SPON1: variants seen among roughly 807,000 people sequenced by gnomAD.
The protein encoded by SPON1 is spondin 1.
SPON1 carries 52 observed loss-of-function variants against 111.7 expected under a neutral mutation model. The ratio of observed to expected loss-of-function variants is 0.47; its 90% CI spans 0.37 to 0.59. The LOEUF (loss-of-function observed/expected upper bound fraction) is 0.59. Ranked by LOEUF, SPON1 falls within the 20% of genes least tolerant of loss-of-function variation. The probability of loss-of-function intolerance (pLI) is 0.00; values close to 1 mark genes in which losing one functional copy is unlikely to be tolerated. For synonymous variants in SPON1, 410 were observed against 395.8 expected (o/e 1.04, Z -0.43); for missense variants, 957 against 1,068.5 (o/e 0.90, Z 1.46).
chr11:14,259,466 GGGCGGGCA>G lies in SPON1; in HGVS notation c.1663+25_1663+32del, dbSNP rs781951807. The stretch of plus-strand genomic sequence containing the variant: ...GAGGAGTGCTGTGAGTGGGGGCCCC[GGGCGGGCA>G]GGCGGGCAAGTAGGTCGGGGAGGCA... On this transcript the variant is annotated intron_variant, in intron 12 of 15. Transcript: ENST00000576479. This position sits in a 1 kb window ranked among gnomAD's most constrained non-coding sequence, Gnocchi z 5.0. The G allele has an allele frequency of 1.9e-6, 3 of 1,599,594 alleles. No homozygotes were observed. The South Asian group carries it at 3.4e-5, about 18-fold the overall frequency.
intron 2 of SPON1, among the ~76,000 whole-genome samples, chr11:13,996,201 A>G (rs1028155781): frequency 3.9e-5 from 6 of 152,234 alleles, no homozygotes; most frequent in African/African-American, 1.2e-4. Flanking sequence ...CCAGGGGATA[A>G]ATGACATTCT....
At chr11:14,181,460 C>T (rs1460898917) in intron 6 of SPON1, among the ~76,000 whole-genome samples, 1 of 152,164 alleles carries the variant, frequency 6.6e-6, no homozygotes, top group Non-Finnish European at 1.5e-5. Flanking sequence ...GACTTTCTCT[C>T]CTACAAAAGT....
intron 2 of SPON1, among the ~76,000 whole-genome samples, chr11:14,022,420 G>A (rs934646087): frequency 6.6e-6 from 1 of 152,166 alleles, no homozygotes; most frequent in Non-Finnish European, 1.5e-5. Context: ...TTTACTCTGA[G>A]GTTGTTTTGC....
At chr11:14,033,610 G>A (rs1356475840) in intron 2 of SPON1, among the ~76,000 whole-genome samples, 2 of 152,178 alleles carry the variant, frequency 1.3e-5, no homozygotes, top group Non-Finnish European at 2.9e-5. Context: ...TCATGATGTA[G>A]GTTTCAAAAT....
At chr11:14,048,808 A>C (rs559721548) in intron 3 of SPON1, among the ~76,000 whole-genome samples, 2 of 152,318 alleles carry the variant, frequency 1.3e-5, no homozygotes, top group Non-Finnish European at 2.9e-5. Flanking sequence ...GTTTTATCTC[A>C]TGAAGTGATC....
intron 1 of SPON1, among the ~76,000 whole-genome samples, chr11:13,963,359 G>A (rs1327891353): frequency 6.6e-5 from 10 of 152,212 alleles, no homozygotes; most frequent in South Asian, 4.1e-4. Flanking sequence ...GCCGCAGCCA[G>A]GAGAGGCACC....
intron 5 of SPON1, among the ~76,000 whole-genome samples, chr11:14,122,524 A>G (rs1374911362): frequency 2.0e-5 from 3 of 152,132 alleles, no homozygotes; most frequent in Middle Eastern, 3.2e-3. Flanking sequence ...TCCTTCTGGA[A>G]CTCCAATTAC....
intron 2 of SPON1, among the ~76,000 whole-genome samples, chr11:14,028,659 G>A (rs782064303): frequency 1.2e-4 from 18 of 152,112 alleles, no homozygotes; most frequent in Non-Finnish European, 2.4e-4. Context: ...TTCTCTGATT[G>A]TCACTTCAAT....
At chr11:14,235,365 G>A (rs1227363868) in intron 6 of SPON1, among the ~76,000 whole-genome samples, 1 of 152,122 alleles carries the variant, frequency 6.6e-6, no homozygotes, top group Non-Finnish European at 1.5e-5. Context: ...TTCCATTCTA[G>A]CAGGGGGAGA....
intron 6 of SPON1, among the ~76,000 whole-genome samples, chr11:14,235,151 G>A (rs569822711): frequency 6.6e-5 from 10 of 152,294 alleles, no homozygotes; most frequent in South Asian, 2.1e-4. Context: ...CACCCAGGTC[G>A]ATGAGTGTCA....
chr11:14,090,008 G>A (rs1404792747), intron 5 of SPON1, among the ~76,000 whole-genome samples: 1 of 152,032 alleles, frequency 6.6e-6, no homozygotes, highest in African/African-American at 2.4e-5. Context: ...CACCAAGCTC[G>A]ATCATCCCAG....
At chr11:14,048,619 T>A (rs782494145) in intron 3 of SPON1, among the ~76,000 whole-genome samples, 5 of 152,210 alleles carry the variant, frequency 3.3e-5, no homozygotes, top group Non-Finnish European at 5.9e-5. Flanking sequence ...TATAGACTTC[T>A]CCCTACAAAT....
intron 1 of SPON1, among the ~76,000 whole-genome samples, chr11:13,975,655 G>A (rs1180703293): frequency 4.6e-5 from 7 of 152,124 alleles, no homozygotes; most frequent in African/African-American, 1.7e-4. Flanking sequence ...GAGTGTCATG[G>A]GCTGTAGGAA....
chr11:14,234,025 G>A (rs1434193223), intron 6 of SPON1, among the ~76,000 whole-genome samples: 2 of 152,176 alleles, frequency 1.3e-5, no homozygotes, highest in African/African-American at 4.8e-5. Context: ...CTCCCAAAGT[G>A]CTGGGATTAC....
At chr11:14,096,632 C>T (rs953661038) in intron 5 of SPON1, among the ~76,000 whole-genome samples, 2 of 152,182 alleles carry the variant, frequency 1.3e-5, no homozygotes, top group African/African-American at 2.4e-5. Flanking sequence ...GCCCAGCCAC[C>T]CTGTCTTCCA....
intron 1 of SPON1, among the ~76,000 whole-genome samples, chr11:13,978,103 A>G (rs1372001941): frequency 6.6e-6 from 1 of 152,156 alleles, no homozygotes; most frequent in Admixed American, 6.5e-5. Flanking sequence ...TAAGCTGATC[A>G]ACTGGCCCAT....
At chr11:14,016,805 GA>G (rs1554914334) in intron 2 of SPON1, among the ~76,000 whole-genome samples, 1 of 152,184 alleles carries the variant, frequency 6.6e-6, no homozygotes. Context: ...CATTGCAGAA[GA>G]TAATGTGCCA....
intron 6 of SPON1, among the ~76,000 whole-genome samples, chr11:14,152,498 C>G (rs1338850348): frequency 2.0e-5 from 3 of 152,214 alleles, no homozygotes; most frequent in Non-Finnish European, 4.4e-5. Flanking sequence ...TGGAGAGCAG[C>G]TCTCTGGAGT....
intron 5 of SPON1, among the ~76,000 whole-genome samples, chr11:14,115,535 TTATAGTA>T (rs1280239341): frequency 2.6e-5 from 4 of 152,240 alleles, no homozygotes; most frequent in Non-Finnish European, 4.4e-5. Context: ...CTTCTTTTGT[TTATAGTA>T]TATAGTTAAC....
Sources: gnomAD v4.1 joint callset for allele counts (sites outside exome capture counted in the v4.1 genomes callset) on GRCh38, gnomAD v4.1.1 for gene constraint, Gnocchi (gnomAD v3.1) non-coding constraint, MANE v1.5 for transcripts, NCBI Gene and HGNC (gene_info 2026-07-23, HGNC 2026-07-21) for gene names.